The following MDN1 variants were observed in gnomAD, a reference collection of about 807,000 sequenced individuals.
MDN1 encodes midasin AAA ATPase 1.
A neutral mutation model predicts 669.2 loss-of-function variants in MDN1; 266 were observed. The ratio of observed to expected loss-of-function variants is 0.40; its 90% CI spans 0.36 to 0.44. The LOEUF (loss-of-function observed/expected upper bound fraction) is 0.44. Ranked by LOEUF, MDN1 falls within the 20% of genes least tolerant of loss-of-function variation. MDN1 has a pLI of 1.00. For synonymous variants in MDN1, 2,385 were observed against 2,457.1 expected (o/e 0.97, Z 0.87); for missense variants, 5,940 against 6,754.0 (o/e 0.88, Z 4.22).
intron 11 of MDN1, among the ~76,000 whole-genome samples, chr6:89,777,404 T>C (rs1818406254): frequency 6.6e-6 from 1 of 152,234 alleles, no homozygotes; most frequent in South Asian, 2.1e-4. Flanking sequence ...CTTCACTCAT[T>C]CCTAGGCATA....
intron 88 of MDN1, among the ~76,000 whole-genome samples, chr6:89,660,139 A>G (rs1009995300): frequency 6.6e-6 from 1 of 152,128 alleles, no homozygotes; most frequent in East Asian, 1.9e-4. Flanking sequence ...CGCCCGCCTC[A>G]GCCTCCCAAA....
At position 89,662,070 on chromosome 6, in the gene MDN1, T is replaced by A. The variant is rs759948410; in HGVS notation, c.14565+17A>T. ...GCCTTGAGTCAAGAGAGCGGATCAGTTTCAAATCTTCATTACCTCATCTAT... is the reference window on the plus strand; with the variant it reads ...GCCTTGAGTCAAGAGAGCGGATCAGATTCAAATCTTCATTACCTCATCTAT... On this transcript the variant is annotated intron_variant, in intron 87 of 101. Transcript: ENST00000369393. The A allele has an allele frequency of 1.2e-6, 2 of 1,607,264 alleles. No individual in the cohort carries two copies. Among genetic ancestry groups the A allele is most frequent in the Non-Finnish European group, 1.7e-6 (2 of 1,177,594 alleles).
chr6:89,688,201 A>C, intron 66 of MDN1, 28 bp from the exon 67 acceptor site: 109 of 1,568,676 alleles, frequency 6.9e-5, no homozygotes, highest in Non-Finnish European at 9.0e-5. Flanking sequence ...TGGGTATCTC[A>C]GTAGGAATAC....
intron 29 of MDN1, 31 bp from the exon 30 acceptor site, chr6:89,743,745 C>A (rs776630956): frequency 1.6e-5 from 26 of 1,600,584 alleles, no homozygotes; most frequent in Non-Finnish European, 2.0e-5. Context: ...ATTAACAAGG[C>A]ATGTGTTTCA....
chr6:89,715,267 A>C (rs920923180), intron 45 of MDN1, among the ~76,000 whole-genome samples: 1 of 152,154 alleles, frequency 6.6e-6, no homozygotes, highest in Non-Finnish European at 1.5e-5. Flanking sequence ...CTCAAGCCAA[A>C]AACATAGGTG....
rs1468056805 is a variant in MDN1, at chr6:89,819,553, T to C, written c.55A>G (p.Lys19Glu). ...AAAPLRLIAA[K>E]NEKSRSELGR... Reference sequence around the variant, plus strand: ...AACTCACTGCGGCTCTTCTCGTTCTTGGCTGCGATTAACCGCAGCGGCGCG... The same window carrying C: ...AACTCACTGCGGCTCTTCTCGTTCTCGGCTGCGATTAACCGCAGCGGCGCG... The change falls in exon 1 of 102, where the codon AAG becomes GAG. Residue 19 changes from lysine to glutamate, a missense_variant. Coordinates refer to ENST00000369393, the MANE Select transcript of MDN1 (RefSeq NM_014611.3). 3.1e-6 allele frequency: 5 copies of C among 1,604,896 alleles called. No individual in the cohort carries two copies. The South Asian group carries it at 3.3e-5, about 11-fold the overall frequency.
chr6:89,665,535 C>T (rs1394483360), intron 84 of MDN1, among the ~76,000 whole-genome samples: 9 of 150,610 alleles, frequency 6.0e-5, no homozygotes, highest in Admixed American at 2.0e-4. Flanking sequence ...GGTGAAACAC[C>T]GTCTCTACTA....
chr6:89,755,608 C>T (rs919259139), intron 20 of MDN1, among the ~76,000 whole-genome samples: 10 of 152,130 alleles, frequency 6.6e-5, no homozygotes, highest in African/African-American at 2.2e-4. Flanking sequence ...TACACAAACA[C>T]ACAGTAAAAC....
Position 89,688,773 on chromosome 6 carries a change from G to T in MDN1, c.11059C>A (p.Leu3687Ile). 6.2e-7 allele frequency: 1 copy of T among 1,614,164 alleles called. No homozygotes were observed. Among genetic ancestry groups the T allele is most frequent in the Non-Finnish European group, 8.5e-7 (1 of 1,180,028 alleles). ...ELNDRLLGSQ[L>I]LACTLSHNTL... ...TTATGGGAGAGGGTACAGGCCAAAA[G>T]TTGGCTGCCCAAGAGTCGGTCATTC... Residue 3687 changes from leucine to isoleucine, a missense_variant, in exon 66 of 102, where the codon CTT (leucine) becomes ATT (isoleucine). Physicochemically the swap from Leu to Ile is conservative, Grantham distance 5. This residue lies in a region of MDN1 where 2,280 missense variants were observed against 2,576.3 expected (regional missense o/e 0.88). Transcript: ENST00000369393.
intron 29 of MDN1, 95 bp from the exon 30 acceptor site, chr6:89,743,809 G>T: frequency 7.2e-7 from 1 of 1,380,488 alleles, no homozygotes; most frequent in Non-Finnish European, 1.0e-6. Context: ...CACTGTGGGA[G>T]TCTCACTGCA....
rs1818916872 is a variant in MDN1, at chr6:89,785,640, G to C, written c.1335-514C>G. 2.0e-5 allele frequency among the ~76,000 whole-genome samples: 3 copies of C among 152,230 alleles called. 1 individual carries two copies. Among genetic ancestry groups the C allele is most frequent in the Admixed American group, 2.0e-4 (3 of 15,288 alleles). ...CACTTAGTCCTCACAACTGTCCCGA[G>C]AGGAAGATGCCATTCTTTTCTTCTG... On this transcript the variant is annotated intron_variant, in intron 8 of 101. Transcript: ENST00000369393.
At chr6:89,725,744 T>TC (rs1352656979) in intron 37 of MDN1, among the ~76,000 whole-genome samples, 1 of 149,966 alleles carries the variant, frequency 6.7e-6, no homozygotes, top group African/African-American at 2.5e-5. Context: ...CTAATTCTTT[T>TC]TTTTTTTTTT....
intron 58 of MDN1, 140 bp from the exon 59 acceptor site, chr6:89,699,175 C>T (rs942971162): frequency 2.8e-6 from 2 of 710,440 alleles, no homozygotes. Flanking sequence ...TCTCTGCCAC[C>T]CCAGTCAACT....
At chr6:89,754,604 C>A (rs1298793949) in intron 20 of MDN1, among the ~76,000 whole-genome samples, 2 of 152,178 alleles carry the variant, frequency 1.3e-5, no homozygotes, top group Non-Finnish European at 2.9e-5. Flanking sequence ...ACATGGCAAA[C>A]AACGCATGGT....
At chr6:89,670,170 A>ACATATATTTTTTTTTT (rs1810621069) in intron 83 of MDN1, among the ~76,000 whole-genome samples, 1 of 23,412 alleles carries the variant, frequency 4.3e-5, no homozygotes, top group African/African-American at 2.6e-4. Context: ...ATATATATAT[A>ACATATATTTTTTTTTT]TTTTTTTTTT....
Position 89,749,643 on chromosome 6 carries a change from C to A in MDN1, c.3515G>T (p.Arg1172Leu). ...CTGTGTTTCTGTTACTAGCAATTCA[C>A]GGTTATCATCCAACAGCCTATTCAG... Reference protein sequence around the residue: ...EALNRLLDDNRELLVTETQEV... With the variant: ...EALNRLLDDNLELLVTETQEV... The change falls in exon 25 of 102, where the codon CGT (arginine) becomes CTT (leucine). Residue 1172 changes from arginine (R) to leucine (L), a missense_variant. By Grantham distance (102) the Arg-to-Leu change is moderately radical. This residue lies in a region of MDN1 where 2,292 missense variants were observed against 2,638.3 expected (regional missense o/e 0.87). Coordinates refer to ENST00000369393, the MANE Select transcript of MDN1 (RefSeq NM_014611.3). The A allele has an allele frequency of 1.9e-6, 3 of 1,614,150 alleles. No individual in the cohort carries two copies. The highest frequency in any genetic ancestry group is 2.5e-6 in the Non-Finnish European group (3 of 1,180,000).
chr6:89,716,212 C>G (rs896575088), intron 44 of MDN1, among the ~76,000 whole-genome samples: 1 of 152,196 alleles, frequency 6.6e-6, no homozygotes, highest in Non-Finnish European at 1.5e-5. Context: ...TAGTTTCACA[C>G]TTGTCCTTTA....
At chr6:89,672,442 T>C (rs1810869242) in intron 81 of MDN1, 79 bp from the exon 82 acceptor site, 2 of 1,594,850 alleles carry the variant, frequency 1.3e-6, no homozygotes, top group South Asian at 1.1e-5. Context: ...CATGCAGTTA[T>C]CTGTTTCTAA....
intron 6 of MDN1, 82 bp downstream of exon 6, chr6:89,790,077 A>G (rs1819171254): frequency 3.1e-6 from 5 of 1,602,162 alleles, no homozygotes; most frequent in Non-Finnish European, 3.4e-6. Context: ...AACTATTGTT[A>G]TATTCCCTTA....
Sources: allele counts gnomAD v4.1 joint callset (sites outside exome capture counted in the v4.1 genomes callset), GRCh38; gene constraint gnomAD v4.1.1; regional missense constraint gnomAD v4.1.1; transcripts MANE v1.5; gene names NCBI Gene and HGNC (gene_info 2026-07-23, HGNC 2026-07-21).